Variants in LAMA3 observed in about 807,000 individuals in gnomAD.
The protein encoded by LAMA3 is laminin subunit alpha-3.
A neutral mutation model predicts 402.0 loss-of-function variants in LAMA3; 281 were observed. That is an observed-to-expected ratio of 0.70 (90% CI 0.63 to 0.77). The LOEUF is 0.77. LAMA3 is among the 30% of genes least tolerant of loss of function. LAMA3 has a pLI of 0.00. For synonymous variants in LAMA3, 1,431 were observed against 1,558.4 expected, an observed-to-expected ratio of 0.92 and a Z score of 1.93; for missense variants, 3,840 against 4,215.5, an observed-to-expected ratio of 0.91 and a Z score of 2.47.
intron 8 of LAMA3, among the ~76,000 whole-genome samples, chr18:23,765,571 T>C (rs1420201267): frequency 6.6e-6 from 1 of 152,130 alleles, no homozygotes; most frequent in Non-Finnish European, 1.5e-5. Flanking sequence ...TTTTGTAACA[T>C]ATGAAGATTC....
At chr18:23,953,350 G>GTT (rs1253918932) in intron 74 of LAMA3, among the ~76,000 whole-genome samples, 2 of 112,106 alleles carry the variant, frequency 1.8e-5, no homozygotes, top group African/African-American at 6.6e-5. Flanking sequence ...TTTTTTTTTT[G>GTT]TTTTTTTTTG....
rs537601368 is a variant in LAMA3 at position 23,756,243 on chromosome 18, T to C, written c.948-2153T>C. Among the ~76,000 whole-genome samples the C allele has an allele frequency of 1.6e-3, 243 of 152,094 alleles. 1 individual carries two copies. The highest frequency in any genetic ancestry group is 5.6e-3 in the African/African-American group (234 of 41,474). On this transcript the variant is annotated intron_variant, in intron 6 of 74. Coordinates refer to ENST00000313654, the MANE Select transcript of LAMA3 (RefSeq NM_198129.4). ...TGAATATATGCCACGCCACCTTCCC[T>C]TAGAGTAGAGTTGATGGAATCCCTA...
Position 23,695,796 on chromosome 18 carries a change from C to CAA in LAMA3, c.294+5858_294+5859dup, listed in dbSNP as rs58873998. Among the ~76,000 whole-genome samples the CAA allele has an allele frequency of 7.0e-4, 27 of 38,640 alleles. 8 individuals are homozygous for CAA. In the East Asian group the frequency reaches 9.6e-3, roughly 14 times the overall value. The allele number at this position is 38,640 out of a possible 152,430, so 25.3% of individuals were successfully genotyped here. ...TGGGTGACACAGCAAGACTCCATCT[C>CAA]AAAAAAAAAAAAAAAAAAAAAAAAA... is the stretch of plus-strand genomic sequence containing the variant. On this transcript the variant is annotated intron_variant, in intron 1 of 74. Coordinates refer to ENST00000313654, the MANE Select transcript of LAMA3 (RefSeq NM_198129.4).
chr18:23,927,593 G>A (rs7231895), intron 62 of LAMA3, among the ~76,000 whole-genome samples: 16,478 of 152,088 alleles, frequency 0.11, 1,790 homozygotes, highest in African/African-American at 0.26. Flanking sequence ...ATCAAGCTAC[G>A]TTTTTCATAA....
chr18:23,710,303 C>T (rs924825588), intron 1 of LAMA3: 6 of 490,304 alleles, frequency 1.2e-5, no homozygotes, highest in Non-Finnish European at 2.2e-5. Flanking sequence ...GAAAAGACCG[C>T]AAGTTTGATT....
intron 54 of LAMA3, among the ~76,000 whole-genome samples, chr18:23,908,387 A>G (rs1354754213): frequency 1.3e-5 from 2 of 151,904 alleles, no homozygotes; most frequent in Non-Finnish European, 2.9e-5. Flanking sequence ...AAAATTAGCC[A>G]GGCGTGGTGA....
chr18:23,743,954 CAT>C (rs1448582701), intron 2 of LAMA3, among the ~76,000 whole-genome samples: 9 of 152,160 alleles, frequency 5.9e-5, no homozygotes, highest in African/African-American at 2.2e-4. Context: ...TAGCAGCACT[CAT>C]GTGTGCTTTG....
chr18:23,746,667 TTAA>T (rs1158528356), intron 2 of LAMA3, among the ~76,000 whole-genome samples: 15 of 152,228 alleles, frequency 9.9e-5, no homozygotes, highest in Admixed American at 2.6e-4. Flanking sequence ...ATTAAATGAA[TTAA>T]TAGTATATCT....
At chr18:23,769,424 A>G (rs2062146912) in intron 8 of LAMA3, among the ~76,000 whole-genome samples, 1 of 152,230 alleles carries the variant, frequency 6.6e-6, no homozygotes, top group African/African-American at 2.4e-5. Flanking sequence ...TATTTATAAA[A>G]TGCATGTAAA....
rs34691495 is a variant in LAMA3 at position 23,699,024 on chromosome 18, T to TAGAGAGAGAGAG, written c.294+9067_294+9078dup. ...AGTTTGGGAGGCTGAGGCGGGCAGATAGAGAGAGAGAGAGAGAGAGAGAGA... is the reference window on the plus strand; with the variant it reads ...AGTTTGGGAGGCTGAGGCGGGCAGATAGAGAGAGAGAGAGAGAGAGAGAGAGAGAGAGAGAGA... On this transcript the variant is annotated intron_variant, in intron 1 of 74. Coordinates refer to ENST00000313654, the MANE Select transcript of LAMA3 (RefSeq NM_198129.4). Among the ~76,000 whole-genome samples, 130 of 142,566 alleles carry TAGAGAGAGAGAG rather than the reference T, an allele frequency of 9.1e-4. 1 individual carries two copies. Among genetic ancestry groups the TAGAGAGAGAGAG allele is most frequent in the African/African-American group, 3.4e-3 (126 of 37,258 alleles). 93.5% of individuals were successfully genotyped at this position (142,566 alleles called of 152,430 possible). A position where few individuals can be genotyped will look rare whatever the true frequency, so the allele number is the denominator to read the frequency against.
At chr18:23,796,232 T>G (rs1285774251) in intron 12 of LAMA3, 2 of 244,032 alleles carry the variant, frequency 8.2e-6, no homozygotes, top group African/African-American at 4.6e-5. Context: ...GAAAAGAGTA[T>G]ACTTTCCACC....
At chr18:23,861,946 G>A in intron 35 of LAMA3, 139 bp downstream of exon 35, 1 of 971,416 alleles carries the variant, frequency 1.0e-6, no homozygotes, top group Non-Finnish European at 1.5e-6. Flanking sequence ...AACTAAAAGT[G>A]AGGAAGAGAC....
rs771222131 is a variant in LAMA3 at position 23,873,049 on chromosome 18, C to T, written c.4998+1388C>T. The stretch of plus-strand genomic sequence containing the variant: ...AGCGGACGTCCAGGAACCGGGATGC[C>T]TCCAGCAGTGAGGCGGTCAGCCTGC... On this transcript the variant is annotated intron_variant, in intron 38 of 74. Coordinates refer to ENST00000313654, the MANE Select transcript of LAMA3 (RefSeq NM_198129.4). The T allele has an allele frequency of 4.3e-6, 7 of 1,614,172 alleles. 1 individual carries two copies. In the South Asian group the frequency reaches 7.7e-5, roughly 18 times the overall value.
At chr18:23,845,880 T>C (rs12232702) in intron 30 of LAMA3, among the ~76,000 whole-genome samples, 23,193 of 152,052 alleles carry the variant, frequency 0.15, 3,869 homozygotes, top group African/African-American at 0.4. Flanking sequence ...TGTGGGATAT[T>C]ACTAAGGTTT....
intron 32 of LAMA3, among the ~76,000 whole-genome samples, chr18:23,853,922 T>C (rs2144681127): frequency 6.6e-6 from 1 of 152,346 alleles, no homozygotes; most frequent in Middle Eastern, 3.4e-3. Flanking sequence ...ACTTCCCTAT[T>C]GTCCTGGCAA....
At chr18:23,894,864 G>A (rs745617037) in intron 43 of LAMA3, 43 bp from the exon 44 acceptor site, 8 of 1,613,584 alleles carry the variant, frequency 5.0e-6, no homozygotes, top group Middle Eastern at 1.7e-4. Context: ...CAGTCCCACG[G>A]CTCCCCCCAC....
chr18:23,812,028 C>T (rs1341578460), intron 13 of LAMA3, among the ~76,000 whole-genome samples: 1 of 152,000 alleles, frequency 6.6e-6, no homozygotes, highest in Non-Finnish European at 1.5e-5. Flanking sequence ...CATGTGCCAC[C>T]ATGCCTAGCT....
chr18:23,882,449 G>A (rs1396124066), intron 40 of LAMA3, among the ~76,000 whole-genome samples: 1 of 151,986 alleles, frequency 6.6e-6, no homozygotes, highest in Non-Finnish European at 1.5e-5. Context: ...GGCCAACATG[G>A]TGAAACCCCG....
intron 20 of LAMA3, among the ~76,000 whole-genome samples, chr18:23,823,789 A>G (rs920719792): frequency 6.6e-6 from 1 of 152,250 alleles, no homozygotes; most frequent in Non-Finnish European, 1.5e-5. Context: ...CCTCTTGTAG[A>G]AGGTCCTCTC....
Sources: gnomAD v4.1 joint callset for allele counts (sites outside exome capture counted in the v4.1 genomes callset) on GRCh38, gnomAD v4.1.1 for gene constraint, MANE v1.5 for transcripts, NCBI Gene and HGNC (gene_info 2026-07-23, HGNC 2026-07-21) for gene names.